The following STAG2 variants were observed in gnomAD, a reference collection of about 807,000 sequenced individuals.
STAG2 encodes cohesin subunit SA-2.
A neutral mutation model predicts 108.1 loss-of-function variants in STAG2; 14 were observed. The ratio of observed to expected loss-of-function variants is 0.13; its 90% CI spans 0.09 to 0.20. The LOEUF is 0.20. STAG2 is among the 10% of genes least tolerant of loss of function. The probability of loss-of-function intolerance (pLI) is 1.00; values close to 1 mark genes in which losing one functional copy is unlikely to be tolerated. For synonymous variants in STAG2, 307 were observed against 302.7 expected, an observed-to-expected ratio of 1.01 and a Z score of -0.15; for missense variants, 440 against 940.9, an observed-to-expected ratio of 0.47 and a Z score of 6.96.
At chrX:124,024,509 A>G (rs1602901097) in intron 3 of STAG2, among the ~76,000 whole-genome samples, 2 of 111,055 alleles carry the variant, frequency 1.8e-5, no homozygotes, top group Admixed American at 9.7e-5. Flanking sequence ...ACTCTAGGGA[A>G]TGGTATTTAT....
At chrX:124,031,879 C>T (rs768099446) in intron 5 of STAG2, among the ~76,000 whole-genome samples, 5 of 106,828 alleles carry the variant, frequency 4.7e-5, no homozygotes, top group African/African-American at 1.4e-4. Flanking sequence ...TACAGGTGCC[C>T]GCCACCATGG....
chrX:124,066,213 A>G lies in STAG2; in HGVS notation c.2135A>G (p.Asn712Ser), dbSNP rs2058524572. 1 of 1,173,270 alleles carries G rather than the reference A, an allele frequency of 8.5e-7. No homozygotes were observed. ...TCAAAGTGGGATTTATTTGCTTGTA[A>G]TTACAAACTCTTGAAAACTGGAATC... ...DLSKWDLFAC[N>S]YKLLKTGIEN... Residue 712 changes from asparagine (N) to serine (S), a missense_variant, in exon 22 of 35, where the codon AAT becomes AGT. Coordinates refer to ENST00000371145, the MANE Select transcript of STAG2 (RefSeq NM_001042750.2).
chrX:123,970,615 A>G (rs2147528293), intron 1 of STAG2, among the ~76,000 whole-genome samples: 1 of 112,026 alleles, frequency 8.9e-6, no homozygotes, highest in African/African-American at 3.2e-5. Flanking sequence ...TAAATTGGTT[A>G]GTGTTGATTT....
At chrX:123,965,620 T>C (rs2054060947) in intron 1 of STAG2, among the ~76,000 whole-genome samples, 1 of 111,967 alleles carries the variant, frequency 8.9e-6, no homozygotes, top group Non-Finnish European at 1.9e-5. Flanking sequence ...AAACAGAGAA[T>C]AGCATAATCT....
intron 25 of STAG2, among the ~76,000 whole-genome samples, chrX:124,073,097 T>C (rs1190399529): frequency 1.8e-5 from 2 of 109,529 alleles, no homozygotes; most frequent in Non-Finnish European, 3.8e-5. Flanking sequence ...GTTGTGGGCA[T>C]GTAGAGTAAG....
intron 9 of STAG2, among the ~76,000 whole-genome samples, chrX:124,048,102 T>A (rs1429665397): frequency 8.9e-6 from 1 of 112,185 alleles, no homozygotes; most frequent in Non-Finnish European, 1.9e-5. Context: ...TCATATCAAA[T>A]AGGCAAAGTC....
At chrX:123,993,290 A>G (rs2147779447) in intron 1 of STAG2, among the ~76,000 whole-genome samples, 1 of 111,534 alleles carries the variant, frequency 9.0e-6, no homozygotes, top group East Asian at 2.8e-4. Flanking sequence ...TCTACACAAA[A>G]AACAATTTTT....
chrX:123,978,113 G>C (rs1379731901), intron 1 of STAG2, among the ~76,000 whole-genome samples: 7 of 107,909 alleles, frequency 6.5e-5, no homozygotes, highest in Non-Finnish European at 5.7e-5. Flanking sequence ...CAAGTGTTGG[G>C]ATTGCAGGCG....
chrX:124,037,520 G>T lies in STAG2; in HGVS notation c.289-7G>T. On this transcript the variant is annotated splice_polypyrimidine_tract_variant and splice_region_variant and intron_variant, in intron 5 of 34. Coordinates refer to ENST00000371145, the MANE Select transcript of STAG2 (RefSeq NM_001042750.2). ...CTAATGATTTTATTTTTTTCCCTCT[G>T]CTGTAGTCGGTGGTAGATGATTGGA... is the stretch of plus-strand genomic sequence containing the variant. 1 of 1,135,792 alleles carries T rather than the reference G, an allele frequency of 8.8e-7. No homozygotes were observed. Among genetic ancestry groups the T allele is most frequent in the Non-Finnish European group, 1.2e-6 (1 of 847,539 alleles). The allele number at this position is 1,135,792 out of a possible 1,213,427, so 93.6% of individuals were successfully genotyped here. A position where few individuals can be genotyped will look rare whatever the true frequency, so the allele number is the denominator to read the frequency against.
intron 1 of STAG2, among the ~76,000 whole-genome samples, chrX:123,972,071 T>G (rs553030373): frequency 2.7e-5 from 3 of 111,481 alleles, no homozygotes; most frequent in Admixed American, 1.9e-4. Context: ...GGAGAAATGA[T>G]TTTGGCACAG....
At chrX:123,965,192 A>G (rs1386872914) in intron 1 of STAG2, among the ~76,000 whole-genome samples, 1 of 111,886 alleles carries the variant, frequency 8.9e-6, no homozygotes, top group African/African-American at 3.2e-5. Flanking sequence ...AAGGATGTTA[A>G]AGGAAAATAG....
At chrX:124,076,888 CT>C (rs1278093484) in intron 26 of STAG2, among the ~76,000 whole-genome samples, 1 of 110,614 alleles carries the variant, frequency 9.0e-6, no homozygotes, top group African/African-American at 3.3e-5. Flanking sequence ...GTTCCTTTAT[CT>C]GTTCCACTGT....
chrX:124,090,188 G>GAAAAAT (rs2059222727), intron 30 of STAG2, among the ~76,000 whole-genome samples: 1 of 69,562 alleles, frequency 1.4e-5, no homozygotes, highest in Non-Finnish European at 3.0e-5. Flanking sequence ...AAAAAAAAAG[G>GAAAAAT]TTTAGTCCTT....
intron 25 of STAG2, among the ~76,000 whole-genome samples, chrX:124,073,450 CTG>C (rs1181453330): frequency 9.0e-6 from 1 of 110,991 alleles, no homozygotes; most frequent in Non-Finnish European, 1.9e-5. Flanking sequence ...CAGGGTCTCA[CTG>C]TGTCACCCAG....
At chrX:124,051,480 C>A in intron 13 of STAG2, 86 bp downstream of exon 13, 1 of 691,137 alleles carries the variant, frequency 1.4e-6, no homozygotes, top group South Asian at 4.1e-5. Flanking sequence ...TCATCTAGGT[C>A]TAAATTTTAG....
intron 1 of STAG2, among the ~76,000 whole-genome samples, chrX:124,003,950 ACTC>A (rs1217518116): frequency 1.8e-5 from 2 of 111,114 alleles, no homozygotes; most frequent in African/African-American, 6.5e-5. Context: ...TTATATTGAT[ACTC>A]CTGATGAAAC....
intron 30 of STAG2, among the ~76,000 whole-genome samples, chrX:124,087,680 T>A (rs1218035530): frequency 8.9e-6 from 1 of 112,216 alleles, no homozygotes; most frequent in African/African-American, 3.2e-5. Context: ...AAAACTAGCA[T>A]AGCGTAATTT....
intron 25 of STAG2, among the ~76,000 whole-genome samples, chrX:124,072,975 C>G (rs1297113111): frequency 5.1e-5 from 5 of 97,325 alleles, no homozygotes; most frequent in Non-Finnish European, 1.0e-4. Flanking sequence ...GAACTCTTGA[C>G]CTCAGGTCAT....
chrX:124,037,846 TTTATAA>T (rs1470696787), intron 6 of STAG2, among the ~76,000 whole-genome samples: 2 of 112,608 alleles, frequency 1.8e-5, no homozygotes, highest in African/African-American at 3.2e-5. Flanking sequence ...AACTTAGCAG[TTTATAA>T]TTATTATGTT....
Sources: gnomAD v4.1 joint callset for allele counts (sites outside exome capture counted in the v4.1 genomes callset) on GRCh38, gnomAD v4.1.1 for gene constraint, MANE v1.5 for transcripts, NCBI Gene and HGNC (gene_info 2026-07-23, HGNC 2026-07-21) for gene names.